Variants in RAB3D observed in about 807,000 individuals in gnomAD.
RAB3D encodes the protein ras-related protein Rab-3D.
RAB3D carries 17 observed loss-of-function variants against 19.3 expected under a neutral mutation model. The ratio of observed to expected loss-of-function variants is 0.88; its 90% CI spans 0.60 to 1.32. The LOEUF (loss-of-function observed/expected upper bound fraction) is 1.32, where lower values mean the gene tolerates loss of function less well. Ranked by LOEUF, RAB3D falls within the 40% of genes most tolerant of loss-of-function variation. The probability of loss-of-function intolerance (pLI) is 0.00; values close to 1 mark genes in which losing one functional copy is unlikely to be tolerated. For synonymous variants in RAB3D, 103 were observed against 119.9 expected, an observed-to-expected ratio of 0.86 and a Z score of 0.92; for missense variants, 223 against 299.1, an observed-to-expected ratio of 0.75 and a Z score of 1.88.
At chr19:11,334,642 A>G (rs2080845880) in intron 4 of RAB3D, among the ~76,000 whole-genome samples, 1 of 151,336 alleles carries the variant, frequency 6.6e-6, no homozygotes, top group Admixed American at 6.6e-5. Context: ...TTAAAAAAAA[A>G]GGCCAGGCAT....
chr19:11,326,869 C>G (rs940503363), intron 4 of RAB3D: 2 of 623,872 alleles, frequency 3.2e-6, no homozygotes, highest in Non-Finnish European at 2.9e-6. Flanking sequence ...CTAGGCCTCC[C>G]AAAGTGCTGG....
chr19:11,335,586 G>C lies in RAB3D; in HGVS notation c.348-15C>G. 6.2e-7 allele frequency: 1 copy of C among 1,614,052 alleles called. No homozygotes were observed. ...TTTGCGTGGCCCTGCAGAGTTACCA[G>C]TGGTGAGCCATGAGCCGGGGGGGTT... On this transcript the variant is annotated splice_polypyrimidine_tract_variant and intron_variant, in intron 3 of 4. Coordinates refer to ENST00000222120, the MANE Select transcript of RAB3D (RefSeq NM_004283.4).
Position 11,337,463 on chromosome 19 carries a change from G to A in RAB3D, c.-61-3C>T. The A allele has an allele frequency of 7.4e-7, 1 of 1,342,728 alleles. No individual in the cohort carries two copies. The highest frequency in any genetic ancestry group is 1.1e-6 in the Non-Finnish European group (1 of 937,638). The allele number at this position is 1,342,728 out of a possible 1,614,324, so 83.2% of individuals were successfully genotyped here. On this transcript the variant is annotated splice_polypyrimidine_tract_variant and splice_region_variant and intron_variant, in intron 1 of 4. Coordinates refer to ENST00000222120, the MANE Select transcript of RAB3D (RefSeq NM_004283.4). ...CTCAGGGAGAGGAGACGGGCGTCCT[G>A]CAGGGGAATCAAACATCAAGAACAG...
At chr19:11,338,426 T>A (rs544369905) in intron 1 of RAB3D, among the ~76,000 whole-genome samples, 2 of 152,268 alleles carry the variant, frequency 1.3e-5, no homozygotes, top group Admixed American at 1.3e-4. Context: ...ATAAGCTGGA[T>A]AGAGCCCCTG....
rs542489923 is a variant in RAB3D at position 11,322,685 on chromosome 19, A to G, written c.*2713T>C. On this transcript the variant is annotated 3_prime_UTR_variant, in exon 5 of 5. Coordinates refer to ENST00000222120, the MANE Select transcript of RAB3D (RefSeq NM_004283.4). The stretch of plus-strand genomic sequence containing the variant: ...ATTTTTAGAAGAAACAAATGTTCCC[A>G]TATTATTCCCAGTTTTTGAGAGAAT... The G allele has an allele frequency of 6.6e-6, 1 of 152,334 alleles. No homozygotes were observed. The highest frequency in any genetic ancestry group is 1.9e-4 in the East Asian group (1 of 5,194). The allele number at this position is 152,334 out of a possible 1,614,324, so 9.4% of individuals were successfully genotyped here.
intron 4 of RAB3D, chr19:11,326,861 A>G (rs1011547201): frequency 1.6e-6 from 1 of 630,084 alleles, no homozygotes; most frequent in South Asian, 1.8e-5. Context: ...CCCCCCGCCT[A>G]GGCCTCCCAA....
At position 11,325,518 on chromosome 19, in the gene RAB3D, C is replaced by T. The variant is rs1333226781; in HGVS notation, c.540G>A (p.Val180=). The change falls in exon 5 of 5, where the codon GTG becomes GTA. Residue 180 remains valine (V), a synonymous_variant. Transcript: ENST00000222120. Reference sequence around the variant, plus strand: ...CGTTCATCTTCTCGCAGATGACATCCACCAGGCGCTCGAAGACCTGCTTCA... The same window carrying T: ...CGTTCATCTTCTCGCAGATGACATCTACCAGGCGCTCGAAGACCTGCTTCA... ...INVKQVFERL[V]DVICEKMNES... 6.2e-7 allele frequency: 1 copy of T among 1,613,672 alleles called. No homozygotes were observed. The highest frequency in any genetic ancestry group is 1.3e-5 in the African/African-American group (1 of 74,918).
At chr19:11,333,601 T>G (rs1202567261) in intron 4 of RAB3D, among the ~76,000 whole-genome samples, 1 of 152,106 alleles carries the variant, frequency 6.6e-6, no homozygotes, top group African/African-American at 2.4e-5. Flanking sequence ...TTCCTGTGCC[T>G]TCTGAATTTT....
chr19:11,332,554 A>G (rs1210473459), intron 4 of RAB3D, among the ~76,000 whole-genome samples: 1 of 152,184 alleles, frequency 6.6e-6, no homozygotes, highest in Non-Finnish European at 1.5e-5. Flanking sequence ...CATGTTGACC[A>G]GGCTGGTCTC....
At chr19:11,331,874 C>CAA (rs753321645) in intron 4 of RAB3D, among the ~76,000 whole-genome samples, 5 of 151,840 alleles carry the variant, frequency 3.3e-5, no homozygotes, top group Non-Finnish European at 5.9e-5. Flanking sequence ...TGTTTACAGA[C>CAA]AAAAGGTTTC....
In RAB3D at chr19:11,335,734, C is replaced by T. The variant is rs548777148; in HGVS notation, c.278G>A (p.Arg93Gln). 29 of 1,614,156 alleles carry T rather than the reference C, an allele frequency of 1.8e-5. No homozygotes were observed. Among genetic ancestry groups the T allele is most frequent in the South Asian group, 6.6e-5 (6 of 91,088 alleles). ...RYRTITTAYY[R>Q]GAMGFLLMYD... ...CATGAGCAGGAAGCCCATGGCTCCC[C>T]GGTAGTAGGCCGTGGTGATGGTGCG... is the stretch of plus-strand genomic sequence containing the variant. Residue 93 changes from arginine (R) to glutamine (Q), a missense_variant, in exon 3 of 5, where the codon CGG (arginine) becomes CAG (glutamine). Physicochemically the swap from Arg to Gln is conservative, Grantham distance 43. Transcript: ENST00000222120.
At chr19:11,332,274 C>T (rs1056687885) in intron 4 of RAB3D, among the ~76,000 whole-genome samples, 8 of 152,184 alleles carry the variant, frequency 5.3e-5, no homozygotes, top group Admixed American at 2.6e-4. Context: ...TCAGGTGATC[C>T]GCCTGCCTCG....
At chr19:11,328,516 A>G (rs318690) in intron 4 of RAB3D, among the ~76,000 whole-genome samples, 39,217 of 151,152 alleles carry the variant, frequency 0.26, 10,078 homozygotes, top group African/African-American at 0.67. Flanking sequence ...GTGTGGTGGC[A>G]CGTGCCTGCA....
In RAB3D at chr19:11,339,583, C is replaced by T. The variant is rs1281488047; in HGVS notation, c.-176G>A. On this transcript the variant is annotated 5_prime_UTR_variant, in exon 1 of 5. Transcript: ENST00000222120. ...GAACTCGCTGCGGCTTGGCCCTGGCCGCGACCCCGACCCCGCAGCCGCAGA... is the reference window on the plus strand; with the variant it reads ...GAACTCGCTGCGGCTTGGCCCTGGCTGCGACCCCGACCCCGCAGCCGCAGA... 1 of 152,400 alleles carries T rather than the reference C, an allele frequency of 6.6e-6. No homozygotes were observed. Among genetic ancestry groups the T allele is most frequent in the African/African-American group, 2.4e-5 (1 of 41,472 alleles). The allele number at this position is 152,400 out of a possible 1,614,324, so 9.4% of individuals were successfully genotyped here.
intron 4 of RAB3D, among the ~76,000 whole-genome samples, chr19:11,330,495 G>A (rs1180105645): frequency 1.3e-5 from 2 of 152,064 alleles, no homozygotes; most frequent in African/African-American, 2.4e-5. Context: ...TGGGAGGACT[G>A]CTTAAGCCCA....
chr19:11,324,272 AAAG>A lies in RAB3D; in HGVS notation c.*1123_*1125del, dbSNP rs1356385589. 12 of 153,092 alleles carry A rather than the reference AAAG, an allele frequency of 7.8e-5. No homozygotes were observed. The East Asian group carries it at 1.1e-3, about 15-fold the overall frequency. 9.5% of individuals were successfully genotyped at this position (153,092 alleles called of 1,614,324 possible). A position where few individuals can be genotyped will look rare whatever the true frequency, so the allele number is the denominator to read the frequency against. ...CCATCTCAAAAAGAAAAAAAAAAAAAAAGAAGTGACTCCTCCATTAGCAAAAAT... is the reference window on the plus strand; with the variant it reads ...CCATCTCAAAAAGAAAAAAAAAAAAAAAGTGACTCCTCCATTAGCAAAAAT... On this transcript the variant is annotated 3_prime_UTR_variant, in exon 5 of 5. Coordinates refer to ENST00000222120, the MANE Select transcript of RAB3D (RefSeq NM_004283.4).
chr19:11,336,095 C>T (rs1480269568), intron 2 of RAB3D, among the ~76,000 whole-genome samples: 1 of 152,164 alleles, frequency 6.6e-6, no homozygotes, highest in Non-Finnish European at 1.5e-5. Context: ...TTGACCTTGT[C>T]TCTAAGAACC....
intron 4 of RAB3D, among the ~76,000 whole-genome samples, chr19:11,329,724 C>T (rs985801515): frequency 3.3e-5 from 5 of 152,106 alleles, no homozygotes; most frequent in Non-Finnish European, 7.4e-5. Context: ...CTCCATCACC[C>T]AGGCTGGAAC....
chr19:11,326,807 G>A (rs182869065), intron 4 of RAB3D: 182 of 689,128 alleles, frequency 2.6e-4, no homozygotes, highest in African/African-American at 3.7e-4. Flanking sequence ...TGGGGGTCTC[G>A]CTATGTTGCG....
Sources: allele counts gnomAD v4.1 joint callset (sites outside exome capture counted in the v4.1 genomes callset), GRCh38; gene constraint gnomAD v4.1.1; transcripts MANE v1.5; gene names NCBI Gene and HGNC (gene_info 2026-07-23, HGNC 2026-07-21).